The following KAZN variants were observed in gnomAD, a reference collection of about 807,000 sequenced individuals.
The protein encoded by KAZN is kazrin, periplakin interacting protein, also known as kazrin.
Under a neutral mutation model 87.4 loss-of-function variants are expected in KAZN, and 40 were observed. The observed-to-expected ratio is 0.46, with a 90% CI of 0.36 to 0.60. KAZN has a LOEUF of 0.60. Among genes scored for constraint, KAZN ranks in the 20% least tolerant of loss-of-function variants. KAZN has a pLI of 0.00. For synonymous variants in KAZN, 466 were observed against 458.3 expected, an observed-to-expected ratio of 1.02 and a Z score of -0.22; for missense variants, 898 against 1,073.9, an observed-to-expected ratio of 0.84 and a Z score of 2.29.
At chr1:15,000,266 A>T (rs1365959270) in intron 2 of KAZN, among the ~76,000 whole-genome samples, 1 of 151,116 alleles carries the variant, frequency 6.6e-6, no homozygotes, top group African/African-American at 2.5e-5. Context: ...TGGGAAAGGC[A>T]AGGAAACAAA....
At chr1:14,866,734 A>C (rs1557569981) in intron 1 of KAZN, among the ~76,000 whole-genome samples, 2 of 152,180 alleles carry the variant, frequency 1.3e-5, no homozygotes, top group African/African-American at 4.8e-5. Context: ...CTCTTAAAAA[A>C]AAAAAATGTT....
At chr1:13,947,708 A>G (rs12135874) in intron 1 of KAZN, among the ~76,000 whole-genome samples, 2 of 152,080 alleles carry the variant, frequency 1.3e-5, no homozygotes, top group Non-Finnish European at 2.9e-5. Context: ...TCTCAGGTCA[A>G]GGTGTCAGCG....
rs115043664 is a variant in KAZN at position 14,661,745 on chromosome 1, G to A, written c.226+62522G>A. ...GCCTGGCCAACATGGCAAAACCCCC[G>A]TCTCTACTGAAAATGTAAAAATTAG... On this transcript the variant is annotated intron_variant, in intron 1 of 14. Transcript: ENST00000376030. Among the ~76,000 whole-genome samples the A allele has an allele frequency of 5.8e-3, 878 of 151,986 alleles. 5 individuals carry two copies. The highest frequency in any genetic ancestry group is 0.017 in the African/African-American group (713 of 41,416).
At chr1:14,464,528 A>C (rs1161532953) in intron 2 of KAZN, among the ~76,000 whole-genome samples, 1 of 149,412 alleles carries the variant, frequency 6.7e-6, no homozygotes, top group Admixed American at 6.6e-5. Flanking sequence ...AGTCTAAATA[A>C]TTTCTTTTTT....
intron 2 of KAZN, among the ~76,000 whole-genome samples, chr1:14,252,544 A>G (rs1650140845): frequency 6.6e-6 from 1 of 152,118 alleles, no homozygotes; most frequent in Non-Finnish European, 1.5e-5. Context: ...CCTGTCCAGC[A>G]ACTCAGGCAA....
At chr1:14,117,796 G>T (rs1050535241) in intron 1 of KAZN, among the ~76,000 whole-genome samples, 2 of 152,124 alleles carry the variant, frequency 1.3e-5, no homozygotes, top group African/African-American at 4.8e-5. Flanking sequence ...CACTGTAAGG[G>T]GTTCTTGTTG....
At chr1:14,559,801 G>A (rs531806418) in intron 2 of KAZN, among the ~76,000 whole-genome samples, 2 of 152,200 alleles carry the variant, frequency 1.3e-5, no homozygotes, top group South Asian at 2.1e-4. Flanking sequence ...CCAAATCTGC[G>A]TGCAACTCCT....
intron 2 of KAZN, among the ~76,000 whole-genome samples, chr1:14,508,526 C>T (rs189026285): frequency 1.3e-5 from 2 of 152,160 alleles, no homozygotes; most frequent in African/African-American, 4.8e-5. Flanking sequence ...AAGAAAATTC[C>T]CTACTAGACG....
chr1:14,302,702 C>A (rs558565052), intron 2 of KAZN, among the ~76,000 whole-genome samples: 10 of 152,216 alleles, frequency 6.6e-5, no homozygotes, highest in Admixed American at 5.2e-4. Context: ...TCAAAACAGT[C>A]TATGATCTCC....
intron 1 of KAZN, among the ~76,000 whole-genome samples, chr1:14,061,356 T>C (rs1318698966): frequency 1.3e-5 from 2 of 151,944 alleles, no homozygotes; most frequent in Non-Finnish European, 2.9e-5. Flanking sequence ...AGGAGATTCC[T>C]GGGAAAAGGG....
intron 2 of KAZN, among the ~76,000 whole-genome samples, chr1:14,457,848 C>T (rs1435787213): frequency 4.5e-4 from 66 of 146,644 alleles, no homozygotes; most frequent in Admixed American, 6.9e-4. Flanking sequence ...AACGGAATCT[C>T]GCTGTGTCGC....
chr1:14,867,354 A>C (rs183845533), intron 1 of KAZN, among the ~76,000 whole-genome samples: 1 of 152,194 alleles, frequency 6.6e-6, no homozygotes, highest in Non-Finnish European at 1.5e-5. Context: ...CAAAAACTGC[A>C]CTAGACTTAG....
intron 1 of KAZN, among the ~76,000 whole-genome samples, chr1:14,724,286 A>G (rs542800989): frequency 1.1e-4 from 17 of 152,320 alleles, no homozygotes; most frequent in Middle Eastern, 6.8e-3. Context: ...TCTGCCACAA[A>G]GTCAGGAATG....
At chr1:14,274,836 A>ATTTCTTTTTTT (rs1652222601) in intron 2 of KAZN, among the ~76,000 whole-genome samples, 2 of 150,550 alleles carry the variant, frequency 1.3e-5, no homozygotes, top group Admixed American at 6.6e-5. Context: ...CTCAATAAAT[A>ATTTCTTTTTTT]TTTCTTTTTT....
intron 1 of KAZN, among the ~76,000 whole-genome samples, chr1:14,838,495 C>T (rs981920393): frequency 1.3e-5 from 2 of 152,170 alleles, no homozygotes; most frequent in African/African-American, 4.8e-5. Context: ...CAGAATCTTC[C>T]CTCTTGCTAA....
At chr1:14,228,843 C>T (rs1333851449) in intron 2 of KAZN, among the ~76,000 whole-genome samples, 1 of 152,220 alleles carries the variant, frequency 6.6e-6, no homozygotes, top group Non-Finnish European at 1.5e-5. Context: ...AAGGAGGTAT[C>T]TGCATTGTCA....
intron 1 of KAZN, among the ~76,000 whole-genome samples, chr1:14,115,115 C>G (rs10928015): frequency 0.36 from 55,022 of 152,142 alleles, 11,148 homozygotes; most frequent in East Asian, 0.7. Context: ...CTGGAGGCTG[C>G]AAGTCCAAGA....
intron 2 of KAZN, among the ~76,000 whole-genome samples, chr1:14,384,185 A>G (rs201928652): frequency 0.074 from 11,220 of 151,010 alleles, 500 homozygotes; most frequent in East Asian, 0.15. Flanking sequence ...GACTTTGCTG[A>G]AGTTGCTTAT....
At chr1:13,931,869 G>A (rs550915452) in intron 1 of KAZN, among the ~76,000 whole-genome samples, 10 of 152,228 alleles carry the variant, frequency 6.6e-5, no homozygotes, top group South Asian at 2.1e-4. Context: ...ACGGAGTCTC[G>A]CTCTATTGCC....
Sources: gnomAD v4.1 joint callset for allele counts (sites outside exome capture counted in the v4.1 genomes callset) on GRCh38, gnomAD v4.1.1 for gene constraint, MANE v1.5 for transcripts, NCBI Gene and HGNC (gene_info 2026-07-23, HGNC 2026-07-21) for gene names.